FBN2: variants seen among roughly 807,000 people sequenced by gnomAD.
FBN2 encodes fibrillin 2, also known as fibrillin-2.
Under a neutral mutation model 355.6 loss-of-function variants are expected in FBN2, and 105 were observed. The observed-to-expected ratio is 0.30, with a 90% confidence interval of 0.25 to 0.35. The LOEUF (loss-of-function observed/expected upper bound fraction) is 0.35, where lower values mean the gene tolerates loss of function less well. Ranked by LOEUF, FBN2 falls within the 10% of genes least tolerant of loss-of-function variation. FBN2 has a pLI of 1.00. For missense variants in FBN2, 3,280 were observed against 3,758.7 expected, an observed-to-expected ratio of 0.87 and a Z score of 3.33; for synonymous variants, 1,350 against 1,301.2, an observed-to-expected ratio of 1.04 and a Z score of -0.81.
At chr5:128,313,876 A>AAAC (rs1554120603) in intron 36 of FBN2, among the ~76,000 whole-genome samples, 41 of 149,932 alleles carry the variant, frequency 2.7e-4, no homozygotes, top group African/African-American at 9.7e-4. Flanking sequence ...AAAAAAAAAA[A>AAAC]CATATCTGGA....
intron 18 of FBN2, among the ~76,000 whole-genome samples, chr5:128,364,168 C>A (rs934025495): frequency 3.4e-4 from 51 of 151,968 alleles, no homozygotes; most frequent in African/African-American, 1.2e-3. Context: ...AAAGGAAATA[C>A]CTTTGTCTTA....
At chr5:128,316,669 T>C (rs1314155702) in intron 36 of FBN2, among the ~76,000 whole-genome samples, 1 of 152,194 alleles carries the variant, frequency 6.6e-6, no homozygotes, top group Non-Finnish European at 1.5e-5. Context: ...ATACTTCACA[T>C]TATCCAGGTT....
rs369607296 is a variant in FBN2, at chr5:128,306,240, G to C, written c.5423-292C>G. ...AAACCCCTTCTTCAGGTTACCCTAA[G>C]TGCTGCTATTCATTTGTTTAAAAAG... On this transcript the variant is annotated intron_variant, in intron 42 of 64. Transcript: ENST00000262464. Among the ~76,000 whole-genome samples the C allele has an allele frequency of 2.0e-4, 31 of 152,282 alleles. 1 individual carries two copies. The highest frequency in any genetic ancestry group is 4.8e-4 in the African/African-American group (20 of 41,556).
intron 28 of FBN2, 88 bp downstream of exon 28, chr5:128,335,900 G>T: frequency 1.4e-6 from 2 of 1,384,418 alleles, no homozygotes; most frequent in Non-Finnish European, 2.0e-6. Context: ...CAAAGGATTT[G>T]CATAGCCTTC....
At chr5:128,312,601 G>A (rs1364553040) in intron 37 of FBN2, 33 bp downstream of exon 37, 2 of 1,611,610 alleles carry the variant, frequency 1.2e-6, no homozygotes, top group Non-Finnish European at 1.7e-6. Flanking sequence ...GATACCAGTT[G>A]GTTTTCTTCC....
At chr5:128,447,593 C>G (rs1754103286) in intron 6 of FBN2, among the ~76,000 whole-genome samples, 1 of 152,210 alleles carries the variant, frequency 6.6e-6, no homozygotes, top group Non-Finnish European at 1.5e-5. Context: ...ACTTCATTAG[C>G]AATTTTAATT....
At chr5:128,529,392 T>C (rs7726795) in intron 3 of FBN2, among the ~76,000 whole-genome samples, 61,249 of 151,880 alleles carry the variant, frequency 0.4, 15,136 homozygotes, top group African/African-American at 0.71. Context: ...TCAAAGAAAA[T>C]GAAAAACAAC....
At chr5:128,295,795 G>C (rs2126827018) in intron 48 of FBN2, among the ~76,000 whole-genome samples, 1 of 137,370 alleles carries the variant, frequency 7.3e-6, no homozygotes, top group African/African-American at 2.9e-5. Context: ...GGGACAATTT[G>C]ACTTCCTCTT....
chr5:128,447,575 T>G (rs1754102822), intron 6 of FBN2, among the ~76,000 whole-genome samples: 1 of 152,238 alleles, frequency 6.6e-6, no homozygotes, highest in South Asian at 2.1e-4. Flanking sequence ...TGACAATGCA[T>G]GCCCGAAACT....
Position 128,318,276 on chromosome 5 carries a change from G to T in FBN2, c.4595-5C>A. 1 of 1,613,946 alleles carries T rather than the reference G, an allele frequency of 6.2e-7. No individual in the cohort carries two copies. The highest frequency in any genetic ancestry group is 1.1e-5 in the South Asian group (1 of 91,066). ...GATCTGCACACTCATCAATATCTAG[G>T]AGAAGCATTTAAAATGCCCAGGTTA... On this transcript the variant is annotated splice_region_variant and splice_polypyrimidine_tract_variant and intron_variant, in intron 35 of 64. Coordinates refer to ENST00000262464, the MANE Select transcript of FBN2 (RefSeq NM_001999.4).
chr5:128,429,825 G>A (rs967404373), intron 7 of FBN2, among the ~76,000 whole-genome samples: 2 of 152,060 alleles, frequency 1.3e-5, no homozygotes, highest in South Asian at 2.1e-4. Context: ...GATATGCTAC[G>A]AGTTTATTAA....
In FBN2 at chr5:128,455,990, C is replaced by CAAAAAAAAAAAA. The variant is rs70997371; in HGVS notation, c.826+8722_826+8733dup. On this transcript the variant is annotated intron_variant, in intron 6 of 64. Coordinates refer to ENST00000262464, the MANE Select transcript of FBN2 (RefSeq NM_001999.4). ...GAGCTCCTTGGGGGAGGGTTAGCAA[C>CAAAAAAAAAAAA]AAAAAAAAAAAAAAAAAAAAAAAAA... Among the ~76,000 whole-genome samples the CAAAAAAAAAAAA allele has an allele frequency of 1.6e-3, 41 of 25,272 alleles. 13 individuals carry two copies. The highest frequency in any genetic ancestry group is 3.3e-3 in the African/African-American group (30 of 8,996). The allele number at this position is 25,272 out of a possible 152,430, so 16.6% of individuals were successfully genotyped here.
chr5:128,344,000 G>A (rs1482814761), intron 25 of FBN2, among the ~76,000 whole-genome samples: 1 of 152,192 alleles, frequency 6.6e-6, no homozygotes, highest in Non-Finnish European at 1.5e-5. Flanking sequence ...GGAGGCCAAT[G>A]CAGGAGGACC....
At chr5:128,312,050 T>A (rs1750072048) in intron 37 of FBN2, 97 bp from the exon 38 acceptor site, 1 of 802,594 alleles carries the variant, frequency 1.2e-6, no homozygotes, top group Non-Finnish European at 2.1e-6. Context: ...AATATACTCA[T>A]CCTAAGGGGT....
chr5:128,451,317 A>G (rs1754237662), intron 6 of FBN2, among the ~76,000 whole-genome samples: 1 of 152,224 alleles, frequency 6.6e-6, no homozygotes, highest in Non-Finnish European at 1.5e-5. Context: ...AAAATCAACT[A>G]TGAATACAAT....
At position 128,304,998 on chromosome 5, in the gene FBN2, T is replaced by C. The variant is rs1554119710; in HGVS notation, c.5759A>G (p.His1920Arg). Residue 1920 changes from histidine (H) to arginine (R), a missense_variant, in exon 45 of 65, where the codon CAC becomes CGC. His to Arg is a conservative substitution (Grantham distance 29). Coordinates refer to ENST00000262464, the MANE Select transcript of FBN2 (RefSeq NM_001999.4). ...DLQGSYQCIC[H>R]NGFKASQDQT... is the part of the protein sequence containing the mutation. ...GTCCTGAGAAGCCTTAAAGCCATTG[T>C]GGCAGATGCACTGGTAACTTCCTTG... 11 of 1,614,018 alleles carry C rather than the reference T, an allele frequency of 6.8e-6. No individual in the cohort carries two copies. The highest frequency in any genetic ancestry group is 9.3e-6 in the Non-Finnish European group (11 of 1,179,984).
chr5:128,376,596 G>A, intron 14 of FBN2, 135 bp downstream of exon 14: 10 of 1,030,906 alleles, frequency 9.7e-6, no homozygotes, highest in South Asian at 5.1e-5. Flanking sequence ...TTAGACACCT[G>A]CCTTAGTGAA....
chr5:128,291,598 T>G lies in FBN2; in HGVS notation c.6223A>C (p.Thr2075Pro), dbSNP rs1273159960. Residue 2075 changes from threonine (T) to proline (P), a missense_variant, in exon 49 of 65, where the codon ACT becomes CCT. Transcript: ENST00000262464. Reference sequence around the variant, plus strand: ...CAGAGGCACTGGAAGCCCCCTGGAGTATTAGTACAGGAACCAAAAAGACAA... The same window carrying G: ...CAGAGGCACTGGAAGCCCCCTGGAGGATTAGTACAGGAACCAAAAAGACAA... ...NICLFGSCTNTPGGFQCLCPP... is the reference protein window; with the variant it reads ...NICLFGSCTNPPGGFQCLCPP... 7 of 1,613,264 alleles carry G rather than the reference T, an allele frequency of 4.3e-6. No individual in the cohort carries two copies. The highest frequency in any genetic ancestry group is 5.9e-6 in the Non-Finnish European group (7 of 1,179,530).
chr5:128,273,359 G>A (rs1446462994), intron 61 of FBN2, among the ~76,000 whole-genome samples: 1 of 152,204 alleles, frequency 6.6e-6, no homozygotes, highest in East Asian at 1.9e-4. Context: ...AGAAAGTGAA[G>A]GAGTGAAGCG....
Sources: gnomAD v4.1 joint callset for allele counts (sites outside exome capture counted in the v4.1 genomes callset) on GRCh38, gnomAD v4.1.1 for gene constraint, MANE v1.5 for transcripts, NCBI Gene and HGNC (gene_info 2026-07-23, HGNC 2026-07-21) for gene names.